Variants in PBX3 observed in about 807,000 individuals in gnomAD.
PBX3 encodes the protein pre-B-cell leukemia transcription factor 3.
In PBX3, 14 loss-of-function variants were observed where a neutral mutation model predicts 48.5. The observed-to-expected ratio is 0.29, with a 90% confidence interval of 0.19 to 0.45. The LOEUF is 0.45. Among genes scored for constraint, PBX3 ranks in the 20% least tolerant of loss-of-function variants. PBX3 has a pLI of 1.00. For synonymous variants in PBX3, 210 were observed against 200.3 expected, an observed-to-expected ratio of 1.05 and a Z score of -0.41; for missense variants, 386 against 546.7, an observed-to-expected ratio of 0.71 and a Z score of 2.93.
intron 2 of PBX3, among the ~76,000 whole-genome samples, chr9:125,789,389 T>C (rs953316112): frequency 6.6e-6 from 1 of 152,224 alleles, no homozygotes; most frequent in Non-Finnish European, 1.5e-5. Context: ...TGCAGTTATC[T>C]TGAGAGTCAC....
At chr9:125,804,579 A>G (rs1838062978) in intron 2 of PBX3, among the ~76,000 whole-genome samples, 1 of 152,172 alleles carries the variant, frequency 6.6e-6, no homozygotes, top group African/African-American at 2.4e-5. Flanking sequence ...TAGTGTAGCC[A>G]TTTATTCAAC....
intron 4 of PBX3, among the ~76,000 whole-genome samples, chr9:125,934,223 C>T (rs1334704333): frequency 2.6e-5 from 4 of 152,232 alleles, no homozygotes; most frequent in African/African-American, 9.6e-5. Flanking sequence ...CTTGACTCTC[C>T]CTTAATGTTG....
At chr9:125,865,002 T>C (rs1179746676) in intron 2 of PBX3, among the ~76,000 whole-genome samples, 1 of 152,258 alleles carries the variant, frequency 6.6e-6, no homozygotes, top group African/African-American at 2.4e-5. Flanking sequence ...TTTTTATCAG[T>C]TGTGCATGCA....
intron 2 of PBX3, among the ~76,000 whole-genome samples, chr9:125,798,930 TTTAATA>T (rs1837860864): frequency 6.6e-6 from 1 of 152,026 alleles, no homozygotes; most frequent in African/African-American, 2.4e-5. Flanking sequence ...TATATAAGAC[TTTAATA>T]TTAATTTTAA....
intron 5 of PBX3, among the ~76,000 whole-genome samples, chr9:125,960,392 A>G (rs1206480742): frequency 6.6e-6 from 1 of 152,238 alleles, no homozygotes; most frequent in Non-Finnish European, 1.5e-5. Flanking sequence ...CTGACTATTT[A>G]TATACTAATC....
intron 3 of PBX3, among the ~76,000 whole-genome samples, chr9:125,918,438 T>A (rs995667119): frequency 6.6e-6 from 1 of 152,218 alleles, no homozygotes; most frequent in Non-Finnish European, 1.5e-5. Flanking sequence ...TCTTCATACA[T>A]TTATCTCTTT....
At chr9:125,843,200 C>T (rs939859423) in intron 2 of PBX3, among the ~76,000 whole-genome samples, 2 of 152,078 alleles carry the variant, frequency 1.3e-5, no homozygotes, top group East Asian at 3.9e-4. Flanking sequence ...TGAGACTGCC[C>T]ATTGGGAATT....
intron 2 of PBX3, among the ~76,000 whole-genome samples, chr9:125,776,888 A>G (rs906116956): frequency 6.6e-6 from 1 of 152,034 alleles, no homozygotes; most frequent in Non-Finnish European, 1.5e-5. Flanking sequence ...AGATAGAAGT[A>G]TTGTGGCTTA....
At chr9:125,920,207 G>A (rs565651711) in intron 3 of PBX3, among the ~76,000 whole-genome samples, 1 of 152,018 alleles carries the variant, frequency 6.6e-6, no homozygotes, top group South Asian at 2.1e-4. Context: ...CTTCGTCTTG[G>A]GTACATTGCC....
intron 2 of PBX3, chr9:125,749,678 T>G (rs1836316802): frequency 6.6e-6 from 1 of 151,996 alleles, no homozygotes; most frequent in African/African-American, 2.4e-5. Flanking sequence ...CAAGGGAGGC[T>G]ATTTAGAAGG....
chr9:125,860,688 C>T lies in PBX3; in HGVS notation c.275-54998C>T, dbSNP rs549886294. Among the ~76,000 whole-genome samples, 25 of 151,530 alleles carry T rather than the reference C, an allele frequency of 1.6e-4. No homozygotes were observed. The South Asian group carries it at 5.2e-3, about 32-fold the overall frequency. ...GGCAGATCACCTGAGGTTAGGAGTT[C>T]AAGACCAGCCTGGCCAACATGGTGA... is the stretch of plus-strand genomic sequence containing the variant. On this transcript the variant is annotated intron_variant, in intron 2 of 8. Coordinates refer to ENST00000373489, the MANE Select transcript of PBX3 (RefSeq NM_006195.6).
At chr9:125,954,963 C>T (rs1842271102) in intron 5 of PBX3, among the ~76,000 whole-genome samples, 1 of 152,182 alleles carries the variant, frequency 6.6e-6, no homozygotes. Flanking sequence ...ACTGGAATAA[C>T]ACTGTTTACA....
Position 125,759,887 on chromosome 9 carries a change from C to T in PBX3, c.274+11264C>T, listed in dbSNP as rs1347640098. Among the ~76,000 whole-genome samples the T allele has an allele frequency of 6.6e-6, 1 of 152,174 alleles. No individual in the cohort carries two copies. Among genetic ancestry groups the T allele is most frequent in the Non-Finnish European group, 1.5e-5 (1 of 68,020 alleles). ...TAAAATAGTTATCTTCAGGCAGTGG[C>T]AGCCAGGAGCTGCTTGAAATGCAAA... On this transcript the variant is annotated intron_variant, in intron 2 of 8. Coordinates refer to ENST00000373489, the MANE Select transcript of PBX3 (RefSeq NM_006195.6). This position sits in a 1 kb window ranked among gnomAD's most constrained non-coding sequence, Gnocchi z 4.2.
chr9:125,909,825 T>A (rs1841161736), intron 2 of PBX3, among the ~76,000 whole-genome samples: 1 of 152,152 alleles, frequency 6.6e-6, no homozygotes, highest in African/African-American at 2.4e-5. Flanking sequence ...CAGACCAAGA[T>A]ACTAATAATG....
chr9:125,901,558 A>C (rs1446728855), intron 2 of PBX3, among the ~76,000 whole-genome samples: 3 of 151,732 alleles, frequency 2.0e-5, no homozygotes, highest in African/African-American at 7.2e-5. Context: ...GTGGGTACTC[A>C]GTAAAGGTTT....
chr9:125,748,862 G>T (rs1178577294), intron 2 of PBX3: 1 of 345,932 alleles, frequency 2.9e-6, no homozygotes, highest in Non-Finnish European at 5.3e-6. Flanking sequence ...GTCCCTCGGC[G>T]GCCGCCCCTG....
chr9:125,882,762 C>T (rs945398730), intron 2 of PBX3, among the ~76,000 whole-genome samples: 1 of 152,108 alleles, frequency 6.6e-6, no homozygotes, highest in Non-Finnish European at 1.5e-5. Flanking sequence ...TGGTATTTTG[C>T]CTGCATGTAG....
chr9:125,952,226 A>T (rs1322000351), intron 5 of PBX3, among the ~76,000 whole-genome samples: 1 of 152,262 alleles, frequency 6.6e-6, no homozygotes, highest in East Asian at 1.9e-4. Flanking sequence ...TTTGTGCTTC[A>T]TAAATTTTCA....
chr9:125,771,140 G>C (rs929729100), intron 2 of PBX3, among the ~76,000 whole-genome samples: 1 of 152,166 alleles, frequency 6.6e-6, no homozygotes, highest in Non-Finnish European at 1.5e-5. Flanking sequence ...TTTGTCAAAG[G>C]TTCTGGGAAA....
Sources: gnomAD v4.1 joint callset for allele counts (sites outside exome capture counted in the v4.1 genomes callset) on GRCh38, gnomAD v4.1.1 for gene constraint, Gnocchi (gnomAD v3.1) non-coding constraint, MANE v1.5 for transcripts, NCBI Gene and HGNC (gene_info 2026-07-23, HGNC 2026-07-21) for gene names.